Variants in VAPB observed in about 807,000 individuals in gnomAD.
VAPB encodes the protein vesicle-associated membrane protein-associated protein B/C.
Under a neutral mutation model 25.6 loss-of-function variants are expected in VAPB, and 7 were observed. That is an observed-to-expected ratio of 0.27 (90% CI 0.16 to 0.51). The LOEUF (loss-of-function observed/expected upper bound fraction) is 0.51. Ranked by LOEUF, VAPB falls within the 20% of genes least tolerant of loss-of-function variation. The pLI, the probability that VAPB is intolerant of heterozygous loss-of-function variation, is 0.97. For missense variants in VAPB, 266 were observed against 301.3 expected (o/e 0.88, Z 0.87); for synonymous variants, 112 against 109.2 (o/e 1.03, Z -0.16).
At chr20:58,440,673 AT>A (rs934474758) in intron 4 of VAPB, 87 of 439,014 alleles carry the variant, frequency 2.0e-4, no homozygotes, top group African/African-American at 1.5e-3. Flanking sequence ...TCTTTGAAGT[AT>A]TAGTCTCAGC....
intron 1 of VAPB, among the ~76,000 whole-genome samples, chr20:58,414,452 C>A (rs1476375670): frequency 6.6e-6 from 1 of 151,228 alleles, no homozygotes; most frequent in Admixed American, 6.6e-5. Flanking sequence ...GGCGGAGGGT[C>A]TCCCCACTCC....
chr20:58,448,855 G>GC lies in VAPB; in HGVS notation c.*4621dup. ...ATGCTCCTGGAGAATGACTTTGGGG[G>GC]CTTTAGAAAGAATATTGCCAGTCCG... On this transcript the variant is annotated 3_prime_UTR_variant, in exon 6 of 6. Transcript: ENST00000475243. The GC allele has an allele frequency of 2.2e-6, 1 of 454,082 alleles. No individual in the cohort carries two copies. The highest frequency in any genetic ancestry group is 4.4e-6 in the Non-Finnish European group (1 of 226,792). The allele number at this position is 454,082 out of a possible 1,614,324, so 28.1% of individuals were successfully genotyped here. A position where few individuals can be genotyped will look rare whatever the true frequency, so the allele number is the denominator to read the frequency against.
intron 2 of VAPB, among the ~76,000 whole-genome samples, chr20:58,424,870 GTTAACTGA>G: frequency 6.6e-6 from 1 of 152,182 alleles, no homozygotes. Flanking sequence ...ACACTTCAGT[GTTAACTGA>G]TTTATAAATA....
intron 3 of VAPB, among the ~76,000 whole-genome samples, chr20:58,436,734 A>G (rs2123092924): frequency 6.6e-6 from 1 of 152,312 alleles, no homozygotes; most frequent in Non-Finnish European, 1.5e-5. Flanking sequence ...TACATTTGTT[A>G]ACATGTTGTG....
At chr20:58,400,184 C>T (rs1395151779) in intron 1 of VAPB, among the ~76,000 whole-genome samples, 3 of 152,118 alleles carry the variant, frequency 2.0e-5, no homozygotes, top group Non-Finnish European at 2.9e-5. Context: ...TTGCTGTCAC[C>T]TAGAGGCACT....
At chr20:58,423,476 C>A (rs370874610) in intron 2 of VAPB, among the ~76,000 whole-genome samples, 3 of 103,924 alleles carry the variant, frequency 2.9e-5, no homozygotes, top group East Asian at 3.1e-4. Context: ...AGAGCATGAA[C>A]ATCAGCAGCT....
At position 58,444,812 on chromosome 20, in the gene VAPB, G is replaced by A. The variant is rs1989244227; in HGVS notation, c.*577G>A. ...CAGACGTACTCGTCATAAGTGAGAG[G>A]CGTGTGTTGACTGATTGACCCAGCG... On this transcript the variant is annotated 3_prime_UTR_variant, in exon 6 of 6. Coordinates refer to ENST00000475243, the MANE Select transcript of VAPB (RefSeq NM_004738.5). The A allele has an allele frequency of 2.2e-6, 1 of 454,482 alleles. No homozygotes were observed. The allele number at this position is 454,482 out of a possible 1,614,324, so 28.2% of individuals were successfully genotyped here.
At position 58,450,242 on chromosome 20, in the gene VAPB, T is replaced by C. The variant is rs1329753058; in HGVS notation, c.*6007T>C. Reference sequence around the variant, plus strand: ...AAATGTTTTTCCATTGCATCTTTTATGTGAATTCAAAGGTCAGAATTTATT... The same window carrying C: ...AAATGTTTTTCCATTGCATCTTTTACGTGAATTCAAAGGTCAGAATTTATT... On this transcript the variant is annotated 3_prime_UTR_variant, in exon 6 of 6. Coordinates refer to ENST00000475243, the MANE Select transcript of VAPB (RefSeq NM_004738.5). The C allele has an allele frequency of 2.0e-5, 9 of 452,196 alleles. No individual in the cohort carries two copies. In the East Asian group the frequency reaches 6.3e-4, roughly 31 times the overall value. The allele number at this position is 452,196 out of a possible 1,614,324, so 28.0% of individuals were successfully genotyped here.
At chr20:58,426,403 A>T (rs1011046049) in intron 2 of VAPB, among the ~76,000 whole-genome samples, 1 of 152,104 alleles carries the variant, frequency 6.6e-6, no homozygotes, top group Non-Finnish European at 1.5e-5. Flanking sequence ...GTCCTGGAAG[A>T]TGGGGTATAT....
chr20:58,416,829 T>A (rs777008244), intron 1 of VAPB, among the ~76,000 whole-genome samples: 1 of 152,094 alleles, frequency 6.6e-6, no homozygotes, highest in Non-Finnish European at 1.5e-5. Flanking sequence ...TTAATTTTGC[T>A]GGAGATAATC....
intron 2 of VAPB, among the ~76,000 whole-genome samples, chr20:58,433,559 C>A (rs370949421): frequency 3.3e-5 from 5 of 152,304 alleles, no homozygotes; most frequent in African/African-American, 1.2e-4. Flanking sequence ...GTCCCCACAC[C>A]AACTGCCTGG....
chr20:58,411,030 CT>C (rs1360473173), intron 1 of VAPB, among the ~76,000 whole-genome samples: 3 of 152,112 alleles, frequency 2.0e-5, no homozygotes, highest in Non-Finnish European at 2.9e-5. Flanking sequence ...TTTCAACTTA[CT>C]TGGGTAAATA....
intron 5 of VAPB, among the ~76,000 whole-genome samples, chr20:58,442,720 T>C (rs1342325095): frequency 6.6e-6 from 1 of 152,150 alleles, no homozygotes; most frequent in African/African-American, 2.4e-5. Flanking sequence ...CTCTCTGTTG[T>C]TGGGATAGCA....
At chr20:58,435,024 C>T (rs6026272) in intron 3 of VAPB, among the ~76,000 whole-genome samples, 1 of 151,902 alleles carries the variant, frequency 6.6e-6, no homozygotes, top group Non-Finnish European at 1.5e-5. Flanking sequence ...TCCTTTCTGC[C>T]CCGACAGAAA....
At chr20:58,437,863 G>GAAA (rs1989082749) in intron 3 of VAPB, among the ~76,000 whole-genome samples, 1 of 152,132 alleles carries the variant, frequency 6.6e-6, no homozygotes, top group Non-Finnish European at 1.5e-5. Context: ...TCCCACTTTT[G>GAAA]GTTCTTGGTA....
rs1200384973 is a variant in VAPB at position 58,447,936 on chromosome 20, CCTT to C, written c.*3704_*3706del. ...CCTGAATAACATTTAACTCCTGAGA[CCTT>C]CTCGGTGTAGAGGCCACTGCTTCCC... On this transcript the variant is annotated 3_prime_UTR_variant, in exon 6 of 6. Coordinates refer to ENST00000475243, the MANE Select transcript of VAPB (RefSeq NM_004738.5). The C allele has an allele frequency of 2.2e-6, 1 of 453,746 alleles. No homozygotes were observed. Among genetic ancestry groups the C allele is most frequent in the Non-Finnish European group, 4.4e-6 (1 of 226,748 alleles). 28.1% of individuals were successfully genotyped at this position (453,746 alleles called of 1,614,324 possible).
chr20:58,439,008 G>A lies in VAPB; in HGVS notation c.379G>A (p.Ala127Thr). The A allele has an allele frequency of 3.1e-6, 5 of 1,613,794 alleles. No homozygotes were observed. Among genetic ancestry groups the A allele is most frequent in the Non-Finnish European group, 4.2e-6 (5 of 1,179,882 alleles). ...ACTTAGATGTGTGTTTGAATTGCCAGCAGAGAATGATAAACCAGTAAGTAT... is the reference window on the plus strand; with the variant it reads ...ACTTAGATGTGTGTTTGAATTGCCAACAGAGAATGATAAACCAGTAAGTAT... ...SKLRCVFELPAENDKPHDVEI... is the reference protein window; with the variant it reads ...SKLRCVFELPTENDKPHDVEI... Residue 127 changes from alanine (A) to threonine (T), a missense_variant, in exon 4 of 6, where the codon GCA becomes ACA. This residue lies in a region of VAPB where 98 missense variants were observed against 147.1 expected (regional missense o/e 0.67). Coordinates refer to ENST00000475243, the MANE Select transcript of VAPB (RefSeq NM_004738.5).
intron 1 of VAPB, among the ~76,000 whole-genome samples, chr20:58,413,139 C>CT (rs11481028): frequency 0.31 from 41,255 of 132,560 alleles, 6,374 homozygotes; most frequent in South Asian, 0.39. Flanking sequence ...TATTTGCCTT[C>CT]TTTTTTTTTT....
chr20:58,413,139 CTTTT>C (rs11481028), intron 1 of VAPB, among the ~76,000 whole-genome samples: 5 of 132,588 alleles, frequency 3.8e-5, no homozygotes, highest in African/African-American at 1.4e-4. Flanking sequence ...TATTTGCCTT[CTTTT>C]TTTTTTTTTT....
Sources: gnomAD v4.1 joint callset for allele counts (sites outside exome capture counted in the v4.1 genomes callset) on GRCh38, gnomAD v4.1.1 for gene constraint, gnomAD v4.1.1 regional missense constraint, MANE v1.5 for transcripts, NCBI Gene and HGNC (gene_info 2026-07-23, HGNC 2026-07-21) for gene names.